The following ZEB1 variants were observed in gnomAD, a reference collection of about 807,000 sequenced individuals.
ZEB1 encodes zinc finger E-box-binding homeobox 1.
Under a neutral mutation model 84.9 loss-of-function variants are expected in ZEB1, and 21 were observed. That is an observed-to-expected ratio of 0.25 (90% confidence interval 0.18 to 0.36). The LOEUF (loss-of-function observed/expected upper bound fraction) is 0.36, where lower values mean the gene tolerates loss of function less well. Among genes scored for constraint, ZEB1 ranks in the 10% least tolerant of loss-of-function variants. ZEB1 has a pLI of 1.00. For missense variants in ZEB1, 1,104 were observed against 1,330.2 expected, an observed-to-expected ratio of 0.83 and a Z score of 2.65; for synonymous variants, 420 against 471.1, an observed-to-expected ratio of 0.89 and a Z score of 1.41.
chr10:31,446,523 C>G (rs1591367088), intron 1 of ZEB1, among the ~76,000 whole-genome samples: 1 of 149,874 alleles, frequency 6.7e-6, no homozygotes, highest in Non-Finnish European at 1.5e-5. Flanking sequence ...AATTTTGGAT[C>G]TTTCCTGCTT....
intron 5 of ZEB1, 70 bp downstream of exon 5, chr10:31,510,945 G>A: frequency 7.0e-7 from 1 of 1,419,984 alleles, no homozygotes; most frequent in Non-Finnish European, 9.9e-7. Context: ...GGAAGGCAAG[G>A]ATTTTAATAT....
At chr10:31,346,438 A>C (rs2040324851) in intron 1 of ZEB1, among the ~76,000 whole-genome samples, 1 of 152,178 alleles carries the variant, frequency 6.6e-6, no homozygotes, top group African/African-American at 2.4e-5. Flanking sequence ...TTTGAATGAA[A>C]TAGTACCTTT....
Position 31,373,050 on chromosome 10 carries a change from C to T in ZEB1, c.58+53758C>T, listed in dbSNP as rs558625992. 4.3e-5 allele frequency: 42 copies of T among 985,250 alleles called. 1 individual carries two copies. In the East Asian group the frequency reaches 3.3e-3, roughly 77 times the overall value. The allele number at this position is 985,250 out of a possible 1,614,324, so 61.0% of individuals were successfully genotyped here. On this transcript the variant is annotated intron_variant, in intron 1 of 8. Transcript: ENST00000424869. ...TTTAAATTCTCAACTGGCAATTGGC[C>T]GAAAACTCCCATCTGAAGACATGAT... is the stretch of plus-strand genomic sequence containing the variant.
chr10:31,445,840 G>A (rs1208752836), intron 1 of ZEB1, among the ~76,000 whole-genome samples: 2 of 113,284 alleles, frequency 1.8e-5, no homozygotes, highest in Admixed American at 9.7e-5. Context: ...GAGGATTTTT[G>A]CATCAATGTT....
At chr10:31,323,405 A>G (rs1411972647) in intron 1 of ZEB1, among the ~76,000 whole-genome samples, 2 of 152,106 alleles carry the variant, frequency 1.3e-5, no homozygotes, top group African/African-American at 4.8e-5. Context: ...GTAGACTTAG[A>G]CTATGGATGG....
In ZEB1 at chr10:31,447,907, T is replaced by C. The variant is rs879169364; in HGVS notation, c.59-13130T>C. On this transcript the variant is annotated intron_variant, in intron 1 of 8. Coordinates refer to ENST00000424869, the MANE Select transcript of ZEB1 (RefSeq NM_001174096.2). ...TTATGTGTCTTGGAGTTGCTCTTCT[T>C]GAGGAGTATCTTTTTGGCGTTCTCT... Among the ~76,000 whole-genome samples, 443 of 152,154 alleles carry C rather than the reference T, an allele frequency of 2.9e-3. 3 individuals carry two copies. Among genetic ancestry groups the C allele is most frequent in the African/African-American group, 6.8e-3 (283 of 41,420 alleles).
chr10:31,368,349 G>A (rs958173475), intron 1 of ZEB1, among the ~76,000 whole-genome samples: 2 of 151,696 alleles, frequency 1.3e-5, no homozygotes, highest in Non-Finnish European at 2.9e-5. Context: ...TAGAGATAGA[G>A]TTTCATTGTG....
intron 1 of ZEB1, among the ~76,000 whole-genome samples, chr10:31,395,619 A>T (rs1266107879): frequency 6.6e-6 from 1 of 152,204 alleles, no homozygotes. Flanking sequence ...GCACAAACCT[A>T]GGCAGGGTGC....
intron 8 of ZEB1, 98 bp from the exon 9 acceptor site, chr10:31,526,574 A>G: frequency 7.1e-7 from 1 of 1,413,238 alleles, no homozygotes. Context: ...GAAACTAATA[A>G]CCCTCCCCTT....
At chr10:31,338,327 A>G (rs1252521397) in intron 1 of ZEB1, among the ~76,000 whole-genome samples, 2 of 152,160 alleles carry the variant, frequency 1.3e-5, no homozygotes, top group Non-Finnish European at 2.9e-5. Context: ...TTTAGTATTC[A>G]TTGCAACCCT....
intron 8 of ZEB1, among the ~76,000 whole-genome samples, chr10:31,525,956 G>A (rs896819808): frequency 9.9e-5 from 15 of 152,180 alleles, no homozygotes; most frequent in African/African-American, 3.6e-4. Flanking sequence ...TTCTGCATTT[G>A]TTAGTGTTAA....
intron 1 of ZEB1, among the ~76,000 whole-genome samples, chr10:31,336,433 A>G (rs901587036): frequency 3.9e-5 from 6 of 152,180 alleles, no homozygotes; most frequent in South Asian, 4.1e-4. Flanking sequence ...AGGTAAAGGT[A>G]TAGGTAAAGT....
At chr10:31,343,137 T>C (rs1020317961) in intron 1 of ZEB1, among the ~76,000 whole-genome samples, 1 of 152,178 alleles carries the variant, frequency 6.6e-6, no homozygotes. Context: ...CTCCCCCATT[T>C]TTCTTTTTGA....
chr10:31,319,451 G>A, intron 1 of ZEB1, 159 bp downstream of exon 1: 4 of 673,250 alleles, frequency 5.9e-6, no homozygotes, highest in Non-Finnish European at 1.0e-5. Context: ...GCCCCCCTCC[G>A]CTGCCGCCGC....
rs576327247 is a variant in ZEB1, at chr10:31,437,733, G to T, written c.59-23304G>T. Among the ~76,000 whole-genome samples the T allele has an allele frequency of 2.6e-5, 4 of 152,296 alleles. No homozygotes were observed. The South Asian group carries it at 8.3e-4, about 32-fold the overall frequency. On this transcript the variant is annotated intron_variant, in intron 1 of 8. Coordinates refer to ENST00000424869, the MANE Select transcript of ZEB1 (RefSeq NM_001174096.2). ...TCCGTCCTCAAACTACATCCTTGGG[G>T]TTCATGATCTTTTTCTTTTCACTTT...
intron 1 of ZEB1, among the ~76,000 whole-genome samples, chr10:31,383,271 G>C (rs931791047): frequency 6.6e-6 from 1 of 152,070 alleles, no homozygotes; most frequent in Non-Finnish European, 1.5e-5. Context: ...ACATGTGGCT[G>C]CTGAGCCCTT....
At chr10:31,346,515 C>T (rs1313746405) in intron 1 of ZEB1, among the ~76,000 whole-genome samples, 1 of 151,504 alleles carries the variant, frequency 6.6e-6, no homozygotes, top group Non-Finnish European at 1.5e-5. Context: ...AGTAAAAATA[C>T]TGCTTTTAGC....
rs202145455 is a variant in ZEB1, at chr10:31,521,923, C to G, written c.2591C>G (p.Pro864Arg). The change falls in exon 7 of 9, where the codon CCA becomes CGA. Residue 864 changes from proline to arginine, a missense_variant. Around this residue, in one of 7 missense-constraint regions of ZEB1, gnomAD observed 531 missense variants for 575.2 expected, o/e 0.92. Coordinates refer to ENST00000424869, the MANE Select transcript of ZEB1 (RefSeq NM_001174096.2). Reference protein sequence around the residue: ...VQEPPLKVIQPNGNQDERQDT... With the variant: ...VQEPPLKVIQRNGNQDERQDT... ...GAACCACCCTTGAAAGTGATCCAGC[C>G]AAATGGAAATCAGGTAAAAAATAAC... 6.2e-7 allele frequency: 1 copy of G among 1,613,960 alleles called. No homozygotes were observed. The highest frequency in any genetic ancestry group is 1.3e-5 in the African/African-American group (1 of 74,990).
intron 1 of ZEB1, among the ~76,000 whole-genome samples, chr10:31,407,568 G>A (rs1276150996): frequency 6.6e-6 from 1 of 151,990 alleles, no homozygotes; most frequent in African/African-American, 2.4e-5. Context: ...GTGTGCATGT[G>A]TCTTTATAGC....
Sources: allele counts gnomAD v4.1 joint callset (sites outside exome capture counted in the v4.1 genomes callset), GRCh38; gene constraint gnomAD v4.1.1; regional missense constraint gnomAD v4.1.1; transcripts MANE v1.5; gene names NCBI Gene and HGNC (gene_info 2026-07-23, HGNC 2026-07-21).